The following HEATR5B variants were observed in gnomAD, a reference collection of about 807,000 sequenced individuals.
HEATR5B encodes the protein HEAT repeat containing 5B, also known as HEAT repeat-containing protein 5B.
A neutral mutation model predicts 224.1 loss-of-function variants in HEATR5B; 156 were observed. The ratio of observed to expected loss-of-function variants is 0.70; its 90% CI spans 0.61 to 0.80. HEATR5B has a LOEUF of 0.80. Among genes scored for constraint, HEATR5B ranks in the 30% least tolerant of loss-of-function variants. The pLI, the probability that HEATR5B is intolerant of heterozygous loss-of-function variation, is 0.00. For missense variants in HEATR5B, 2,323 were observed against 2,535.5 expected, an observed-to-expected ratio of 0.92 and a Z score of 1.80; for synonymous variants, 1,027 against 893.0, an observed-to-expected ratio of 1.15 and a Z score of -2.68.
intron 1 of HEATR5B, 30 bp from the exon 2 acceptor site, chr2:37,083,466 T>C: frequency 7.5e-6 from 11 of 1,470,894 alleles, no homozygotes; most frequent in Non-Finnish European, 1.0e-5. Context: ...AAAATACTTG[T>C]AAGTATTTTT....
At chr2:37,019,199 G>C (rs1444853268) in intron 26 of HEATR5B, among the ~76,000 whole-genome samples, 2 of 151,394 alleles carry the variant, frequency 1.3e-5, no homozygotes, top group Non-Finnish European at 2.9e-5. Flanking sequence ...TGGTGGTTTT[G>C]TGAGTCTCTG....
chr2:37,028,971 A>G (rs746193872), intron 22 of HEATR5B, 51 bp from the exon 23 acceptor site: 6 of 1,562,362 alleles, frequency 3.8e-6, no homozygotes, highest in East Asian at 2.3e-5. Flanking sequence ...GGTGTACGCT[A>G]TAGGTAACAA....
At chr2:37,068,609 T>A (rs889819028) in intron 8 of HEATR5B, 72 bp downstream of exon 8, 1 of 1,481,204 alleles carries the variant, frequency 6.8e-7, no homozygotes, top group African/African-American at 1.4e-5. Context: ...GTCTTATGGA[T>A]ATTTATTAAG....
chr2:37,034,025 T>G (rs1453579311), intron 21 of HEATR5B, among the ~76,000 whole-genome samples: 1 of 152,176 alleles, frequency 6.6e-6, no homozygotes, highest in Non-Finnish European at 1.5e-5. Flanking sequence ...ATGTATGGAA[T>G]ATATCTCCCC....
chr2:37,057,604 TA>T (rs11317436), intron 14 of HEATR5B, 124 bp from the exon 15 acceptor site: 36,914 of 574,736 alleles, frequency 0.064, 2,593 homozygotes, highest in African/African-American at 0.27. Flanking sequence ...TTCTCTTCTT[TA>T]AAAAAAATCT....
chr2:36,990,879 G>A, intron 33 of HEATR5B, 80 bp from the exon 34 acceptor site: 14 of 1,217,590 alleles, frequency 1.1e-5, no homozygotes, highest in Admixed American at 2.5e-5. Flanking sequence ...AGAGAGAGAC[G>A]TTGTCTTGCC....
chr2:37,015,773 AT>A (rs775372380), intron 26 of HEATR5B, among the ~76,000 whole-genome samples: 8 of 152,220 alleles, frequency 5.3e-5, no homozygotes, highest in Non-Finnish European at 8.8e-5. Flanking sequence ...TCAGCAGGCA[AT>A]TAAAAACTTG....
In HEATR5B at chr2:37,076,935, T is replaced by C. The variant is rs1391329217; in HGVS notation, c.423A>G (p.Leu141=). 7.4e-6 allele frequency: 12 copies of C among 1,613,602 alleles called. No individual in the cohort carries two copies. The highest frequency in any genetic ancestry group is 4.5e-5 in the East Asian group (2 of 44,880). The part of the protein sequence containing the change: ...GSAFPETVNN[L]LKSLKSAESQ... ...CCTCTGCACTTTTCAGAGATTTCAA[T>C]AGATTATTTACCGTTTCTGGAAATG... The change falls in exon 4 of 36, where the codon CTA becomes CTG. Residue 141 remains leucine, a synonymous_variant. Transcript: ENST00000233099.
chr2:37,076,793 T>C, intron 4 of HEATR5B, 118 bp downstream of exon 4: 1 of 680,638 alleles, frequency 1.5e-6, no homozygotes, highest in Non-Finnish European at 2.5e-6. Context: ...AATTTGTAAT[T>C]ACCTCCTTGC....
chr2:37,065,041 C>T (rs375187899), intron 9 of HEATR5B, 51 bp from the exon 10 acceptor site: 219 of 1,559,456 alleles, frequency 1.4e-4, no homozygotes, highest in Non-Finnish European at 1.7e-4. Context: ...CAAATGATTT[C>T]AGAAACTCAA....
At chr2:37,017,633 C>A (rs1668201925) in intron 26 of HEATR5B, among the ~76,000 whole-genome samples, 1 of 142,898 alleles carries the variant, frequency 7.0e-6, no homozygotes, top group African/African-American at 2.6e-5. Flanking sequence ...GTGCAGTGAG[C>A]CAAGATTCAT....
At chr2:36,988,482 G>A (rs1311983181) in intron 35 of HEATR5B, among the ~76,000 whole-genome samples, 164 bp downstream of exon 35, 1 of 152,024 alleles carries the variant, frequency 6.6e-6, no homozygotes, top group African/African-American at 2.4e-5. Context: ...GGATGGTCTC[G>A]ATCTCCTGAC....
chr2:37,006,955 T>G, intron 29 of HEATR5B, 95 bp downstream of exon 29: 1 of 1,197,560 alleles, frequency 8.4e-7, no homozygotes, highest in Non-Finnish European at 1.2e-6. Flanking sequence ...CTCTGAACTG[T>G]GCTATACTGT....
At chr2:37,016,754 T>C (rs1024617221) in intron 26 of HEATR5B, among the ~76,000 whole-genome samples, 15 of 152,290 alleles carry the variant, frequency 9.8e-5, no homozygotes, top group Middle Eastern at 3.4e-3. Flanking sequence ...AGTTCCTATA[T>C]TGAAAACGTT....
intron 27 of HEATR5B, among the ~76,000 whole-genome samples, chr2:37,009,498 GC>G (rs1417661295): frequency 6.6e-6 from 1 of 151,786 alleles, no homozygotes; most frequent in Non-Finnish European, 1.5e-5. Context: ...GATCGCTTAA[GC>G]CCAGGAGTTC....
At chr2:37,034,236 G>T (rs1448017080) in intron 21 of HEATR5B, among the ~76,000 whole-genome samples, 2 of 150,742 alleles carry the variant, frequency 1.3e-5, no homozygotes, top group Non-Finnish European at 3.0e-5. Context: ...TCCATCTCCT[G>T]ACCTTCTGAT....
At chr2:37,038,137 G>GT (rs1039979938) in intron 20 of HEATR5B, 113 bp from the exon 21 acceptor site, 319 of 754,336 alleles carry the variant, frequency 4.2e-4, no homozygotes, top group African/African-American at 1.3e-3. Context: ...TATTATTCAG[G>GT]TTTTTTTTGC....
At chr2:36,982,989 C>T (rs1214227732) in intron 35 of HEATR5B, among the ~76,000 whole-genome samples, 1 of 151,698 alleles carries the variant, frequency 6.6e-6, no homozygotes, top group African/African-American at 2.4e-5. Context: ...GGACCTTTGC[C>T]TGTTTTATTT....
rs773859313 is a variant in HEATR5B, at chr2:37,065,940, A to G, written c.1178-30T>C. 1.9e-6 allele frequency: 3 copies of G among 1,579,728 alleles called. No homozygotes were observed. In the East Asian group the frequency reaches 6.8e-5, roughly 36 times the overall value. ...AAACACAAAATCATGTCTTTGACAT[A>G]GGAGAAATGAATTGTGGTATGATTT... On this transcript the variant is annotated intron_variant, in intron 8 of 35. Transcript: ENST00000233099.
Sources: allele counts gnomAD v4.1 joint callset (sites outside exome capture counted in the v4.1 genomes callset), GRCh38; gene constraint gnomAD v4.1.1; transcripts MANE v1.5; gene names NCBI Gene and HGNC (gene_info 2026-07-23, HGNC 2026-07-21).